Variants in ABCA13 observed in about 807,000 individuals in gnomAD.
The protein encoded by ABCA13 is ATP-binding cassette sub-family A member 13.
In ABCA13, 476 loss-of-function variants were observed where a neutral mutation model predicts 478.7. That is an observed-to-expected ratio of 0.99 (90% confidence interval 0.92 to 1.07). ABCA13 has a LOEUF of 1.07. ABCA13 is among the 50% of genes least tolerant of loss of function. The pLI, the probability that ABCA13 is intolerant of heterozygous loss-of-function variation, is 0.00. For synonymous variants in ABCA13, 2,252 were observed against 2,158.9 expected, an observed-to-expected ratio of 1.04 and a Z score of -1.20; for missense variants, 6,060 against 5,910.6, an observed-to-expected ratio of 1.03 and a Z score of -0.83.
intron 55 of ABCA13, among the ~76,000 whole-genome samples, chr7:48,541,448 G>A (rs148113898): frequency 6.6e-6 from 1 of 152,144 alleles, no homozygotes; most frequent in East Asian, 1.9e-4. Flanking sequence ...CGAGTATTAA[G>A]TTAGGGGCTT....
chr7:48,290,621 A>G (rs1331969986), intron 20 of ABCA13, among the ~76,000 whole-genome samples: 1 of 152,224 alleles, frequency 6.6e-6, no homozygotes, highest in East Asian at 1.9e-4. Flanking sequence ...AAATTTAAGA[A>G]TAACATCCAT....
chr7:48,464,643 T>C (rs2130090951), intron 43 of ABCA13, among the ~76,000 whole-genome samples: 1 of 152,308 alleles, frequency 6.6e-6, no homozygotes, highest in African/African-American at 2.4e-5. Flanking sequence ...ATGGTAAAAG[T>C]TCAGAAAGGG....
chr7:48,364,149 T>C (rs1403684872), intron 31 of ABCA13, among the ~76,000 whole-genome samples: 1 of 152,128 alleles, frequency 6.6e-6, no homozygotes, highest in Non-Finnish European at 1.5e-5. Context: ...GCTCAAAAGC[T>C]TACTTTTCCA....
chr7:48,515,428 A>T (rs1832033322), intron 51 of ABCA13, among the ~76,000 whole-genome samples: 1 of 152,174 alleles, frequency 6.6e-6, no homozygotes, highest in South Asian at 2.1e-4. Context: ...GAGGAGACGG[A>T]ATGAAGAAAA....
At chr7:48,307,994 A>C (rs1801169005) in intron 23 of ABCA13, among the ~76,000 whole-genome samples, 1 of 152,200 alleles carries the variant, frequency 6.6e-6, no homozygotes, top group Non-Finnish European at 1.5e-5. Flanking sequence ...GAACCTTTAA[A>C]ATTTTAAAAA....
At chr7:48,203,268 C>A (rs1207435495) in intron 3 of ABCA13, among the ~76,000 whole-genome samples, 1 of 152,190 alleles carries the variant, frequency 6.6e-6, no homozygotes, top group African/African-American at 2.4e-5. Flanking sequence ...AAGCGCCGCA[C>A]GCAGCCCCGG....
intron 37 of ABCA13, among the ~76,000 whole-genome samples, chr7:48,390,215 G>C (rs1815828216): frequency 6.6e-6 from 1 of 152,162 alleles, no homozygotes; most frequent in Non-Finnish European, 1.5e-5. Flanking sequence ...GATGAGAATT[G>C]CATTTGGAGT....
intron 14 of ABCA13, among the ~76,000 whole-genome samples, chr7:48,248,839 A>G (rs979387255): frequency 4.6e-5 from 7 of 152,194 alleles, no homozygotes; most frequent in African/African-American, 1.7e-4. Context: ...TATATGTGTG[A>G]TCAATTTCCA....
intron 3 of ABCA13, among the ~76,000 whole-genome samples, chr7:48,217,223 G>C (rs1786618493): frequency 6.6e-6 from 1 of 152,172 alleles, no homozygotes; most frequent in African/African-American, 2.4e-5. Context: ...CTCTGGCTCA[G>C]ATGAATGGGA....
chr7:48,501,119 C>T (rs980226873), intron 48 of ABCA13, among the ~76,000 whole-genome samples: 6 of 152,100 alleles, frequency 3.9e-5, no homozygotes, highest in African/African-American at 1.2e-4. Flanking sequence ...CTTGGCCTGA[C>T]AGGGGCAGGC....
In ABCA13 at chr7:48,273,700, C is replaced by G; in HGVS notation, c.4034C>G (p.Ser1345Cys). ...GTATCACATGATCGAGATTTGTTTT[C>G]CTGTGCTGATATTTTCCAAAATGTT... The part of the protein sequence containing the change: ...RNVSHDRDLF[S>C]CADIFQNVTE... Residue 1345 changes from serine to cysteine, a missense_variant, in exon 17 of 62, where the codon TCC becomes TGC. Transcript: ENST00000435803. 6.2e-7 allele frequency: 1 copy of G among 1,608,214 alleles called. No homozygotes were observed.
chr7:48,582,683 G>A (rs1008900240), intron 56 of ABCA13, among the ~76,000 whole-genome samples: 1 of 152,130 alleles, frequency 6.6e-6, no homozygotes, highest in Non-Finnish European at 1.5e-5. Flanking sequence ...TGCCATGGCT[G>A]AGCCAGTCCA....
intron 38 of ABCA13, among the ~76,000 whole-genome samples, chr7:48,392,934 G>T (rs1244700005): frequency 1.3e-5 from 2 of 152,200 alleles, no homozygotes; most frequent in East Asian, 1.9e-4. Context: ...TGGTCCACAT[G>T]GGGGGCTGAA....
chr7:48,458,714 CCTT>C (rs994629443), intron 43 of ABCA13, among the ~76,000 whole-genome samples: 32 of 152,274 alleles, frequency 2.1e-4, no homozygotes, highest in Admixed American at 2.0e-3. Context: ...CTACCTGAAT[CCTT>C]CTACAAATGA....
chr7:48,342,776 T>C (rs1005085129), intron 29 of ABCA13, among the ~76,000 whole-genome samples: 7 of 152,204 alleles, frequency 4.6e-5, no homozygotes, highest in Non-Finnish European at 8.8e-5. Flanking sequence ...CTATTTTCTC[T>C]TTATACTTCA....
At chr7:48,642,777 C>A (rs945035033) in intron 59 of ABCA13, among the ~76,000 whole-genome samples, 2 of 152,152 alleles carry the variant, frequency 1.3e-5, no homozygotes, top group South Asian at 4.2e-4. Context: ...ACTTCCTTTG[C>A]AGTCATAGGG....
At chr7:48,528,028 A>G (rs1030769408) in intron 54 of ABCA13, among the ~76,000 whole-genome samples, 7 of 152,198 alleles carry the variant, frequency 4.6e-5, no homozygotes, top group Admixed American at 3.9e-4. Context: ...AAGTGCCATG[A>G]TGATTTTGAG....
At chr7:48,308,751 T>A (rs1801291626) in intron 23 of ABCA13, among the ~76,000 whole-genome samples, 1 of 151,944 alleles carries the variant, frequency 6.6e-6, no homozygotes, top group Non-Finnish European at 1.5e-5. Context: ...ATTATACTAC[T>A]GTATTTTTAC....
chr7:48,520,863 C>A (rs1832496117), intron 53 of ABCA13, among the ~76,000 whole-genome samples: 1 of 152,134 alleles, frequency 6.6e-6, no homozygotes, highest in Non-Finnish European at 1.5e-5. Flanking sequence ...TTGGTTAATA[C>A]CATAACATTA....
Sources: allele counts gnomAD v4.1 joint callset (sites outside exome capture counted in the v4.1 genomes callset), GRCh38; gene constraint gnomAD v4.1.1; transcripts MANE v1.5; gene names NCBI Gene and HGNC (gene_info 2026-07-23, HGNC 2026-07-21).